PPP4R3B: variants seen among roughly 807,000 people sequenced by gnomAD.
PPP4R3B encodes the protein protein phosphatase 4 regulatory subunit 3B.
PPP4R3B carries 52 observed loss-of-function variants against 95.4 expected under a neutral mutation model. The ratio of observed to expected loss-of-function variants is 0.54; its 90% CI spans 0.44 to 0.69. PPP4R3B has a LOEUF of 0.69. PPP4R3B is among the 30% of genes least tolerant of loss of function. The probability of loss-of-function intolerance (pLI) is 0.00; values close to 1 mark genes in which losing one functional copy is unlikely to be tolerated. For synonymous variants in PPP4R3B, 407 were observed against 343.9 expected (o/e 1.18, Z -2.03); for missense variants, 1,003 against 1,005.9 (o/e 1.00, Z 0.04).
chr2:55,612,737 G>T (rs1325367839), intron 2 of PPP4R3B, among the ~76,000 whole-genome samples: 1 of 152,096 alleles, frequency 6.6e-6, no homozygotes. Context: ...GAGGTCAGGA[G>T]ATCGAGACCA....
chr2:55,587,974 A>G (rs919803384), intron 5 of PPP4R3B, among the ~76,000 whole-genome samples: 4 of 152,232 alleles, frequency 2.6e-5, no homozygotes, highest in African/African-American at 9.6e-5. Flanking sequence ...TAGCAATTCA[A>G]TATCAGATAG....
chr2:55,595,558 T>C (rs914572023), intron 4 of PPP4R3B, among the ~76,000 whole-genome samples: 7 of 151,922 alleles, frequency 4.6e-5, no homozygotes, highest in African/African-American at 1.4e-4. Context: ...TTTATGTTTA[T>C]GTAAATATTT....
intron 7 of PPP4R3B, among the ~76,000 whole-genome samples, chr2:55,583,247 T>C (rs569145424): frequency 6.6e-6 from 1 of 152,294 alleles, no homozygotes; most frequent in South Asian, 2.1e-4. Flanking sequence ...TGGATTTTTT[T>C]TGGTAATTAA....
rs1014795130 is a variant in PPP4R3B, at chr2:55,578,975, T to C, written c.1469-633A>G. 2.0e-5 allele frequency among the ~76,000 whole-genome samples: 3 copies of C among 152,076 alleles called. No individual in the cohort carries two copies. The East Asian group carries it at 5.8e-4, about 29-fold the overall frequency. ...CTGATGAAATCTCAGAGAACTGTAA[T>C]ATCTACAGTTAAGTTGAATATAGAA... is the stretch of plus-strand genomic sequence containing the variant. On this transcript the variant is annotated intron_variant, in intron 9 of 16. Transcript: ENST00000616407.
At chr2:55,553,068 C>G (rs764262967) in intron 16 of PPP4R3B, among the ~76,000 whole-genome samples, 2 of 152,098 alleles carry the variant, frequency 1.3e-5, no homozygotes, top group Non-Finnish European at 2.9e-5. Flanking sequence ...TCCACCATCA[C>G]CAACTACAGA....
intron 2 of PPP4R3B, 125 bp downstream of exon 2, chr2:55,615,324 AAT>A: frequency 1.3e-6 from 1 of 743,902 alleles, no homozygotes. Flanking sequence ...CTGCAAGAGA[AAT>A]ACACATGATC....
intron 15 of PPP4R3B, among the ~76,000 whole-genome samples, chr2:55,562,483 G>A (rs1352846442): frequency 3.3e-5 from 5 of 152,050 alleles, no homozygotes; most frequent in Non-Finnish European, 4.4e-5. Flanking sequence ...TCTGTCTCCC[G>A]CTCCACCATG....
chr2:55,552,650 T>G (rs1685382572), intron 16 of PPP4R3B, among the ~76,000 whole-genome samples: 1 of 152,158 alleles, frequency 6.6e-6, no homozygotes, highest in African/African-American at 2.4e-5. Flanking sequence ...CACCTCAGAC[T>G]CCCAAAGCCG....
At position 55,617,157 on chromosome 2, in the gene PPP4R3B, C is replaced by G; in HGVS notation, c.129G>C (p.Arg43=). ...EELKGMSLLV[R]AESDGSLLLE... Reference sequence around the variant, plus strand: ...CGATAACCTTACCGTCGGACTCTGCCCGAACCAGCAGCGACATCCCCTTGA... The same window carrying G: ...CGATAACCTTACCGTCGGACTCTGCGCGAACCAGCAGCGACATCCCCTTGA... The change falls in exon 1 of 17, where the codon CGG becomes CGC. Residue 43 remains arginine (R), a synonymous_variant. Coordinates refer to ENST00000616407, the MANE Select transcript of PPP4R3B (RefSeq NM_001122964.3). 1 of 1,612,598 alleles carries G rather than the reference C, an allele frequency of 6.2e-7. No individual in the cohort carries two copies. Among genetic ancestry groups the G allele is most frequent in the Admixed American group, 1.7e-5 (1 of 59,512 alleles).
intron 4 of PPP4R3B, among the ~76,000 whole-genome samples, chr2:55,592,532 AAG>A (rs933310162): frequency 1.3e-5 from 2 of 152,184 alleles, no homozygotes; most frequent in African/African-American, 4.8e-5. Flanking sequence ...CAGTTTTTTA[AAG>A]AGTATCTGAA....
In PPP4R3B at chr2:55,597,606, A is replaced by T. The variant is rs569979764; in HGVS notation, c.921+810T>A. Among the ~76,000 whole-genome samples the T allele has an allele frequency of 2.7e-5, 4 of 146,454 alleles. No homozygotes were observed. The Admixed American group carries it at 2.8e-4, about 10-fold the overall frequency. ...CACTGCACTTCAGCCTGGGCGACCG[A>T]GCAAGACTCCGTCTCAAAAACAAAC... On this transcript the variant is annotated intron_variant, in intron 4 of 16. Transcript: ENST00000616407.
rs767531934 is a variant in PPP4R3B, at chr2:55,588,887, G to A, written c.991C>T (p.Arg331Cys). The change falls in exon 5 of 17, where the codon CGT (arginine) becomes TGT (cysteine). Residue 331 changes from arginine to cysteine, a missense_variant. Arg to Cys is a radical substitution (Grantham distance 180, BLOSUM62 -3). Around this residue, in one of 3 missense-constraint regions of PPP4R3B, gnomAD observed 695 missense variants for 686.2 expected, o/e 1.01. Coordinates refer to ENST00000616407, the MANE Select transcript of PPP4R3B (RefSeq NM_001122964.3). ...TGAATTTCATAACTTACCAATTCAC[G>A]CCGTTTATCATCATCTGTAGCCTCA... ...TDEATDDDKRRELVNFFKEFC... is the reference protein window; with the variant it reads ...TDEATDDDKRCELVNFFKEFC... 1.2e-6 allele frequency: 2 copies of A among 1,604,362 alleles called. No homozygotes were observed. The highest frequency in any genetic ancestry group is 1.1e-5 in the South Asian group (1 of 89,600).
At chr2:55,568,395 T>C in intron 12 of PPP4R3B, 32 bp from the exon 13 acceptor site, 3 of 1,529,278 alleles carry the variant, frequency 2.0e-6, no homozygotes, top group Non-Finnish European at 1.8e-6. Flanking sequence ...AATAAGTTAA[T>C]GATCTTACTA....
At chr2:55,597,683 C>A (rs1158050526) in intron 4 of PPP4R3B, among the ~76,000 whole-genome samples, 1 of 152,086 alleles carries the variant, frequency 6.6e-6, no homozygotes, top group African/African-American at 2.4e-5. Context: ...TGCCTGTAAT[C>A]CCAGCTACTC....
intron 16 of PPP4R3B, among the ~76,000 whole-genome samples, chr2:55,550,358 T>G (rs1685113683): frequency 6.6e-6 from 1 of 152,210 alleles, no homozygotes; most frequent in Non-Finnish European, 1.5e-5. Context: ...CTGGTTCATT[T>G]CTCTAATTTC....
intron 16 of PPP4R3B, among the ~76,000 whole-genome samples, chr2:55,551,864 T>C (rs1685290930): frequency 6.6e-6 from 1 of 152,230 alleles, no homozygotes; most frequent in Admixed American, 6.5e-5. Flanking sequence ...ATTACTACTA[T>C]CATTTTTCTA....
intron 1 of PPP4R3B, among the ~76,000 whole-genome samples, chr2:55,615,720 C>T (rs2103939830): frequency 6.6e-6 from 1 of 151,666 alleles, no homozygotes; most frequent in East Asian, 1.9e-4. Context: ...GGCGTGGTGG[C>T]GCATGCCTGT....
intron 11 of PPP4R3B, among the ~76,000 whole-genome samples, chr2:55,574,416 A>G (rs889411314): frequency 2.5e-4 from 38 of 152,114 alleles, no homozygotes; most frequent in African/African-American, 8.4e-4. Flanking sequence ...AATAAATGCT[A>G]TATTATTAAT....
At chr2:55,568,405 A>G (rs1436568409) in intron 12 of PPP4R3B, 42 bp from the exon 13 acceptor site, 13 of 1,474,900 alleles carry the variant, frequency 8.8e-6, no homozygotes, top group Non-Finnish European at 1.2e-5. Context: ...TGATCTTACT[A>G]AAATCAATTA....
Sources: allele counts gnomAD v4.1 joint callset (sites outside exome capture counted in the v4.1 genomes callset), GRCh38; gene constraint gnomAD v4.1.1; regional missense constraint gnomAD v4.1.1; transcripts MANE v1.5; gene names NCBI Gene and HGNC (gene_info 2026-07-23, HGNC 2026-07-21).